NLRX1: variants seen among roughly 807,000 people sequenced by gnomAD.
The protein encoded by NLRX1 is NLR family member X1.
Under a neutral mutation model 74.2 loss-of-function variants are expected in NLRX1, and 67 were observed. The observed-to-expected ratio is 0.90, with a 90% confidence interval of 0.74 to 1.11. NLRX1 has a LOEUF of 1.11. Ranked by LOEUF, NLRX1 falls within the 50% of genes least tolerant of loss-of-function variation. The pLI is 0.00. For missense variants in NLRX1, 1,191 were observed against 1,305.4 expected (o/e 0.91, Z 1.35); for synonymous variants, 506 against 559.1 (o/e 0.91, Z 1.34).
In NLRX1 at chr11:119,179,846, CG is replaced by C. The variant is rs773894704; in HGVS notation, c.1826del (p.Arg609ProfsTer31). 2.9e-5 allele frequency: 46 copies of C among 1,613,830 alleles called. No individual in the cohort carries two copies. Among genetic ancestry groups the C allele is most frequent in the Non-Finnish European group, 3.8e-5 (45 of 1,179,994 alleles). On this transcript the variant is annotated frameshift_variant, in exon 7 of 10. Coordinates refer to ENST00000409109, the MANE Select transcript of NLRX1 (RefSeq NM_001282144.2). LOFTEE classifies it high-confidence loss of function. ...TATCCTGGGCGTGGAGGGCCCCCGG[CG>C]CCACCCAGATGAGCCCCCTGAGGAT... ...ASILGVEGPR[R>X]HPDEPPEDEV...
In NLRX1 at chr11:119,174,108, C is replaced by T; in HGVS notation, c.849+10C>T. ...ATACATGCTGCCTCAGGTGGGTGGC[C>T]CTTTACCCCAGGTTATCACTGCTGC... is the stretch of plus-strand genomic sequence containing the variant. On this transcript the variant is annotated intron_variant, in intron 5 of 9. Coordinates refer to ENST00000409109, the MANE Select transcript of NLRX1 (RefSeq NM_001282144.2). The T allele has an allele frequency of 6.2e-7, 1 of 1,612,062 alleles. No individual in the cohort carries two copies. Among genetic ancestry groups the T allele is most frequent in the Non-Finnish European group, 8.5e-7 (1 of 1,178,736 alleles).
In NLRX1 at chr11:119,174,497, C is replaced by T. The variant is rs1245383691; in HGVS notation, c.894C>T (p.Ile298=). ...VTTRPSAIGR[I]PSKYVGRYGE... is the part of the protein sequence containing the mutation. ...CTCGGCCCTCTGCCATTGGCCGTAT[C>T]CCCAGCAAGTACGTGGGCCGCTATG... is the stretch of plus-strand genomic sequence containing the variant. Residue 298 remains isoleucine, a synonymous_variant, in exon 6 of 10, where the codon ATC becomes ATT. Transcript: ENST00000409109. 1 of 1,614,186 alleles carries T rather than the reference C, an allele frequency of 6.2e-7. No individual in the cohort carries two copies.
Position 119,173,247 on chromosome 11 carries a change from C to A in NLRX1, c.230-232C>A. The A allele has an allele frequency of 1.6e-6, 1 of 630,434 alleles. No individual in the cohort carries two copies. Among genetic ancestry groups the A allele is most frequent in the South Asian group, 2.0e-5 (1 of 51,126 alleles). The allele number at this position is 630,434 out of a possible 1,614,324, so 39.1% of individuals were successfully genotyped here. On this transcript the variant is annotated intron_variant, in intron 4 of 9. Coordinates refer to ENST00000409109, the MANE Select transcript of NLRX1 (RefSeq NM_001282144.2). The surrounding 1 kb of genome is among the most constrained non-coding windows in gnomAD (Gnocchi z 4.0). Reference sequence around the variant, plus strand: ...AGTTGGGTCAAGCAGGTTAAGACGGCACATAGGTCACTGTGAAACCAGTTT... The same window carrying A: ...AGTTGGGTCAAGCAGGTTAAGACGGAACATAGGTCACTGTGAAACCAGTTT...
At chr11:119,175,743 T>C (rs1948688249) in intron 6 of NLRX1, among the ~76,000 whole-genome samples, 1 of 152,144 alleles carries the variant, frequency 6.6e-6, no homozygotes, top group Non-Finnish European at 1.5e-5. Flanking sequence ...TATTCATTTA[T>C]ACTAGGAAGA....
intron 5 of NLRX1, 144 bp downstream of exon 5, chr11:119,174,242 CTTTT>C: frequency 8.4e-7 from 1 of 1,184,456 alleles, no homozygotes; most frequent in South Asian, 1.5e-5. Context: ...CTGTTCCTTT[CTTTT>C]TGAGTTGCTC....
In NLRX1 at chr11:119,183,499, G is replaced by T. The variant is rs45439091; in HGVS notation, c.*60G>T. The T allele has an allele frequency of 0.09, 133,732 of 1,482,938 alleles. 9,098 individuals carry two copies. The highest frequency in any genetic ancestry group is 0.31 in the South Asian group (25,376 of 83,098). 91.9% of individuals were successfully genotyped at this position (1,482,938 alleles called of 1,614,324 possible). ...TGGCCCTAAACCTTTTCCCTCTGTG[G>T]CCTCCTGGCTTGCACTGCTCCCTCT... On this transcript the variant is annotated 3_prime_UTR_variant, in exon 10 of 10. Coordinates refer to ENST00000409109, the MANE Select transcript of NLRX1 (RefSeq NM_001282144.2). The surrounding 1 kb of genome is among the most constrained non-coding windows in gnomAD (Gnocchi z 5.7).
chr11:119,183,341 C>T lies in NLRX1; in HGVS notation c.2830C>T (p.Arg944Trp), dbSNP rs374108357. 96 of 1,614,224 alleles carry T rather than the reference C, an allele frequency of 5.9e-5. No homozygotes were observed. The highest frequency in any genetic ancestry group is 4.1e-4 in the South Asian group (37 of 91,082). ...CCTACTGCGGGATCTGGAAGATAGC[C>T]GGGGTGCCACCCTTAATCCTTGGCG... is the stretch of plus-strand genomic sequence containing the variant. Reference protein sequence around the residue: ...ELLLRDLEDSRGATLNPWRKA... With the variant: ...ELLLRDLEDSWGATLNPWRKA... Residue 944 changes from arginine (R) to tryptophan (W), a missense_variant, in exon 10 of 10, where the codon CGG (arginine) becomes TGG (tryptophan). By Grantham distance (101) the Arg-to-Trp change is moderately radical. Coordinates refer to ENST00000409109, the MANE Select transcript of NLRX1 (RefSeq NM_001282144.2). This position sits in a 1 kb window ranked among gnomAD's most constrained non-coding sequence, Gnocchi z 5.7.
intron 6 of NLRX1, among the ~76,000 whole-genome samples, chr11:119,175,842 G>A (rs1948690459): frequency 6.6e-6 from 1 of 152,244 alleles, no homozygotes; most frequent in Non-Finnish European, 1.5e-5. Flanking sequence ...ACTGTGCTGT[G>A]AGTGGCACAG....
chr11:119,172,471 A>G, intron 3 of NLRX1, 46 bp downstream of exon 3: 1 of 1,398,832 alleles, frequency 7.1e-7, no homozygotes, highest in South Asian at 1.2e-5. Context: ...GGCACAACAG[A>G]GCAGACTGGG....
At position 119,183,246 on chromosome 11, in the gene NLRX1, T is replaced by C; in HGVS notation, c.2735T>C (p.Val912Ala). 1 of 1,614,228 alleles carries C rather than the reference T, an allele frequency of 6.2e-7. No homozygotes were observed. The highest frequency in any genetic ancestry group is 8.5e-7 in the Non-Finnish European group (1 of 1,180,044). Residue 912 changes from valine (V) to alanine (A), a missense_variant, in exon 10 of 10, where the codon GTG (valine) becomes GCG (alanine). Transcript: ENST00000409109. The surrounding 1 kb of genome is among the most constrained non-coding windows in gnomAD (Gnocchi z 5.7). ...ACGGCGGTGTCAGAATACTGGTCAG[T>C]GATCCTCAGTGAAGTCCAGCGGAAC... ...EGTAVSEYWS[V>A]ILSEVQRNLN...
At chr11:119,168,643 A>T (rs1030642182), upstream of NLRX1, 1 of 152,558 alleles carries the variant, frequency 6.6e-6, no homozygotes, top group Admixed American at 6.5e-5. Context: ...GGGCCTAACA[A>T]GCAGCCCAGC....
At position 119,182,383 on chromosome 11, in the gene NLRX1, C is replaced by T. The variant is rs781469988; in HGVS notation, c.2606+38C>T. ...CCTGGTCCCATTGCCCCCAGCCCTT[C>T]AGACTACTTCCCTCTCTCAACTGTG... On this transcript the variant is annotated intron_variant, in intron 9 of 9. Transcript: ENST00000409109. 2.5e-6 allele frequency: 4 copies of T among 1,591,350 alleles called. No individual in the cohort carries two copies. The Middle Eastern group carries it at 5.7e-4, about 225-fold the overall frequency.
In NLRX1 at chr11:119,180,062, T is replaced by C. The variant is rs754535992; in HGVS notation, c.2041T>C (p.Phe681Leu). Residue 681 changes from phenylalanine to leucine, a missense_variant, in exon 7 of 10, where the codon TTC becomes CTC. Physicochemically the swap from Phe to Leu is conservative, Grantham distance 22. Coordinates refer to ENST00000409109, the MANE Select transcript of NLRX1 (RefSeq NM_001282144.2). ...PPSELLDHLF[F>L]HYEFQNQRFS... is the part of the protein sequence containing the mutation. ...ATCAGAGCTCCTTGACCACCTCTTCTTCCACTATGAGTTCCAGAACCAGCG... is the reference window on the plus strand; with the variant it reads ...ATCAGAGCTCCTTGACCACCTCTTCCTCCACTATGAGTTCCAGAACCAGCG... 7 of 1,613,544 alleles carry C rather than the reference T, an allele frequency of 4.3e-6. No homozygotes were observed. The highest frequency in any genetic ancestry group is 1.6e-4 in the Middle Eastern group (1 of 6,084).
Position 119,179,825 on chromosome 11 carries a change from C to T in NLRX1, c.1804C>T (p.Leu602=), listed in dbSNP as rs780668441. The T allele has an allele frequency of 6.2e-6, 10 of 1,614,216 alleles. No individual in the cohort carries two copies. The South Asian group carries it at 9.9e-5, about 16-fold the overall frequency. The change falls in exon 7 of 10, where the codon CTG becomes TTG. Residue 602 remains leucine, a synonymous_variant. Coordinates refer to ENST00000409109, the MANE Select transcript of NLRX1 (RefSeq NM_001282144.2). ...TCTGGACCAGATGGGCGCCAGTATCCTGGGCGTGGAGGGCCCCCGGCGCCA... is the reference window on the plus strand; with the variant it reads ...TCTGGACCAGATGGGCGCCAGTATCTTGGGCGTGGAGGGCCCCCGGCGCCA... The part of the protein sequence containing the change: ...DVLDQMGASI[L]GVEGPRRHPD...
Position 119,183,375 on chromosome 11 carries a change from A to G in NLRX1, c.2864A>G (p.Gln955Arg). 1 of 1,614,140 alleles carries G rather than the reference A, an allele frequency of 6.2e-7. No homozygotes were observed. Among genetic ancestry groups the G allele is most frequent in the Non-Finnish European group, 8.5e-7 (1 of 1,180,026 alleles). Residue 955 changes from glutamine to arginine, a missense_variant, in exon 10 of 10, where the codon CAG becomes CGG. Transcript: ENST00000409109. The surrounding 1 kb of genome is among the most constrained non-coding windows in gnomAD (Gnocchi z 5.7). ...GATLNPWRKA[Q>R]LLRVEGEVRA... is the part of the protein sequence containing the mutation. ...ACCCTTAATCCTTGGCGCAAGGCCC[A>G]GCTGCTGCGAGTGGAGGGCGAGGTC...
rs377670792 is a variant in NLRX1, at chr11:119,173,010, C to T, written c.229+21C>T. ...AACTGGTAAAGGGACTGGCTGGGACCCTGGTCAGGGGGTGTGGTGGGCAGA... is the reference window on the plus strand; with the variant it reads ...AACTGGTAAAGGGACTGGCTGGGACTCTGGTCAGGGGGTGTGGTGGGCAGA... On this transcript the variant is annotated intron_variant, in intron 4 of 9. Transcript: ENST00000409109. The surrounding 1 kb of genome is among the most constrained non-coding windows in gnomAD (Gnocchi z 4.0). 122 of 1,597,408 alleles carry T rather than the reference C, an allele frequency of 7.6e-5. 1 individual carries two copies. The African/African-American group carries it at 1.5e-3, about 19-fold the overall frequency.
intron 7 of NLRX1, 52 bp from the exon 8 acceptor site, chr11:119,181,119 C>T (rs1287552134): frequency 7.7e-7 from 1 of 1,295,352 alleles, no homozygotes; most frequent in African/African-American, 1.5e-5. Context: ...AGACTGCCTG[C>T]TGAATTCCCT....
At chr11:119,178,527 G>A (rs1297129797) in intron 6 of NLRX1, among the ~76,000 whole-genome samples, 2 of 152,164 alleles carry the variant, frequency 1.3e-5, no homozygotes, top group Non-Finnish European at 2.9e-5. Context: ...TACAGCAAAT[G>A]CCTGGGAAGA....
In NLRX1 at chr11:119,174,072, C is replaced by G. The variant is rs1393537424; in HGVS notation, c.823C>G (p.Leu275Val). Reference sequence around the variant, plus strand: ...GGAACCAGCTGCTATCATCGTCAACCTGCTGCGCAAATACATGCTGCCTCA... The same window carrying G: ...GGAACCAGCTGCTATCATCGTCAACGTGCTGCGCAAATACATGCTGCCTCA... Reference protein sequence around the residue: ...PQEPAAIIVNLLRKYMLPQAS... With the variant: ...PQEPAAIIVNVLRKYMLPQAS... Residue 275 changes from leucine to valine, a missense_variant, in exon 5 of 10, where the codon CTG (leucine) becomes GTG (valine). Leu to Val is a conservative substitution (Grantham distance 32). Coordinates refer to ENST00000409109, the MANE Select transcript of NLRX1 (RefSeq NM_001282144.2). The G allele has an allele frequency of 1.9e-6, 3 of 1,614,132 alleles. No homozygotes were observed. Among genetic ancestry groups the G allele is most frequent in the South Asian group, 1.1e-5 (1 of 91,088 alleles).
Sources: allele counts gnomAD v4.1 joint callset (sites outside exome capture counted in the v4.1 genomes callset), GRCh38; gene constraint gnomAD v4.1.1; non-coding constraint Gnocchi (gnomAD v3.1); transcripts MANE v1.5; gene names NCBI Gene and HGNC (gene_info 2026-07-23, HGNC 2026-07-21).